The following CCDC30 variants were observed in gnomAD, a reference collection of about 807,000 sequenced individuals.
CCDC30 encodes coiled-coil domain containing 30.
CCDC30 carries 70 observed loss-of-function variants against 100.2 expected under a neutral mutation model. That is an observed-to-expected ratio of 0.70 (90% CI 0.58 to 0.85). The LOEUF (loss-of-function observed/expected upper bound fraction) is 0.85, where lower values mean the gene tolerates loss of function less well. Among genes scored for constraint, CCDC30 ranks in the 40% least tolerant of loss-of-function variants. The probability of loss-of-function intolerance (pLI) is 0.00; values close to 1 mark genes in which losing one functional copy is unlikely to be tolerated. For synonymous variants in CCDC30, 233 were observed against 269.5 expected, an observed-to-expected ratio of 0.86 and a Z score of 1.33; for missense variants, 652 against 771.2, an observed-to-expected ratio of 0.85 and a Z score of 1.83.
chr1:42,480,855 C>G (rs902268999), intron 2 of CCDC30, among the ~76,000 whole-genome samples: 43 of 152,280 alleles, frequency 2.8e-4, no homozygotes, highest in African/African-American at 1.0e-3. Context: ...TGTGGTGGCT[C>G]ATGCCTATAA....
chr1:42,509,715 G>T (rs2148489622), intron 6 of CCDC30, among the ~76,000 whole-genome samples: 1 of 152,190 alleles, frequency 6.6e-6, no homozygotes, highest in East Asian at 1.9e-4. Context: ...ACAGAATCAT[G>T]CAGAAAGACA....
At chr1:42,641,284 A>G (rs1647371603) in intron 12 of CCDC30, among the ~76,000 whole-genome samples, 1 of 147,406 alleles carries the variant, frequency 6.8e-6, no homozygotes, top group Non-Finnish European at 1.5e-5. Context: ...CACCATGTTG[A>G]CCAGGCTGGT....
At chr1:42,546,445 A>T (rs1645146089) in intron 6 of CCDC30, among the ~76,000 whole-genome samples, 1 of 106,886 alleles carries the variant, frequency 9.4e-6, no homozygotes, top group African/African-American at 3.0e-5. Flanking sequence ...TATATATAGT[A>T]TTCTAATAAA....
intron 9 of CCDC30, among the ~76,000 whole-genome samples, chr1:42,581,969 C>A (rs1645976253): frequency 6.6e-6 from 1 of 151,776 alleles, no homozygotes. Flanking sequence ...CACCTGTAAT[C>A]CCAGCACTCC....
intron 6 of CCDC30, among the ~76,000 whole-genome samples, chr1:42,514,959 G>A (rs1297482487): frequency 6.6e-6 from 1 of 152,062 alleles, no homozygotes; most frequent in African/African-American, 2.4e-5. Flanking sequence ...GGCCTCTTAG[G>A]TGTTGAATTG....
At chr1:42,517,685 C>T (rs1451779811) in intron 6 of CCDC30, among the ~76,000 whole-genome samples, 1 of 152,114 alleles carries the variant, frequency 6.6e-6, no homozygotes, top group Non-Finnish European at 1.5e-5. Flanking sequence ...CCTCCATCGT[C>T]TTTGCACTCT....
intron 15 of CCDC30, among the ~76,000 whole-genome samples, chr1:42,651,185 G>GT (rs1648315848): frequency 2.0e-5 from 3 of 152,238 alleles, no homozygotes; most frequent in Admixed American, 6.5e-5. Flanking sequence ...TTTTTCCAAT[G>GT]TGACACGAAA....
At chr1:42,485,306 A>G (rs573658152) in intron 3 of CCDC30, among the ~76,000 whole-genome samples, 2 of 152,336 alleles carry the variant, frequency 1.3e-5, no homozygotes, top group South Asian at 4.1e-4. Flanking sequence ...AGCAAAAATG[A>G]TGAGAAAAAC....
chr1:42,521,635 A>G (rs969913107), intron 6 of CCDC30, among the ~76,000 whole-genome samples: 4 of 152,142 alleles, frequency 2.6e-5, no homozygotes, highest in Middle Eastern at 3.2e-3. Context: ...GTTATTTAAT[A>G]CATCATTGAG....
intron 3 of CCDC30, 75 bp downstream of exon 3, chr1:42,482,891 G>GAA (rs202122677): frequency 4.1e-4 from 280 of 679,212 alleles, no homozygotes; most frequent in South Asian, 6.8e-4. Context: ...TGGAACATGA[G>GAA]AAAAAAAAAA....
chr1:42,494,007 A>C (rs1250243177), intron 4 of CCDC30, among the ~76,000 whole-genome samples: 1 of 152,186 alleles, frequency 6.6e-6, no homozygotes, highest in Non-Finnish European at 1.5e-5. Context: ...TGAAGTCAAG[A>C]GTTCAAGACC....
chr1:42,644,298 G>C (rs1283062324), intron 13 of CCDC30, among the ~76,000 whole-genome samples: 2 of 152,084 alleles, frequency 1.3e-5, no homozygotes, highest in Admixed American at 1.3e-4. Flanking sequence ...ATCCAGCATG[G>C]GAGAAAGATG....
At chr1:42,513,121 T>C (rs1644504884) in intron 6 of CCDC30, among the ~76,000 whole-genome samples, 1 of 152,118 alleles carries the variant, frequency 6.6e-6, no homozygotes, top group Non-Finnish European at 1.5e-5. Context: ...TGGGGAAATA[T>C]CCAGGGTTCA....
exon 1 of CCDC30, chr1:42,463,422 A>C (rs906484195): frequency 4.6e-5 from 7 of 152,262 alleles, no homozygotes; most frequent in African/African-American, 1.7e-4. Flanking sequence ...CTCAGCCCCA[A>C]GGAGGAAAGC....
chr1:42,566,601 G>T, intron 7 of CCDC30, 126 bp downstream of exon 11: 1 of 702,210 alleles, frequency 1.4e-6, no homozygotes, highest in East Asian at 2.8e-5. Context: ...TGAGCTATCT[G>T]GTAACTTCCT....
At chr1:42,466,535 T>G (rs912782891) in intron 1 of CCDC30, among the ~76,000 whole-genome samples, 9 of 149,394 alleles carry the variant, frequency 6.0e-5, no homozygotes, top group South Asian at 2.2e-4. Context: ...GAATAGTTTT[T>G]TTGTTGTTGT....
intron 4 of CCDC30, among the ~76,000 whole-genome samples, chr1:42,496,696 A>G (rs1644237984): frequency 6.6e-6 from 1 of 152,210 alleles, no homozygotes. Flanking sequence ...GAACAGATAT[A>G]TAAACTAATG....
intron 4 of CCDC30, among the ~76,000 whole-genome samples, chr1:42,496,763 C>G (rs1373874088): frequency 6.6e-6 from 1 of 152,106 alleles, no homozygotes; most frequent in Non-Finnish European, 1.5e-5. Flanking sequence ...GGTCATTTAA[C>G]TTTTAAAAGG....
intron 10 of CCDC30, among the ~76,000 whole-genome samples, chr1:42,598,501 T>C (rs2148620911): frequency 6.6e-6 from 1 of 151,512 alleles, no homozygotes; most frequent in Non-Finnish European, 1.5e-5. Context: ...GCTGATGCAA[T>C]AAGAAAGGAG....
Sources: gnomAD v4.1 joint callset for allele counts (sites outside exome capture counted in the v4.1 genomes callset) on GRCh38, gnomAD v4.1.1 for gene constraint, MANE v1.5 for transcripts, NCBI Gene and HGNC (gene_info 2026-07-23, HGNC 2026-07-21) for gene names.